The following SHC3 variants were observed in gnomAD, a reference collection of about 807,000 sequenced individuals.
SHC3 encodes SHC adaptor protein 3.
SHC3 carries 15 observed loss-of-function variants against 60.4 expected under a neutral mutation model. The observed-to-expected ratio is 0.25, with a 90% CI of 0.17 to 0.38. The LOEUF is 0.38. Ranked by LOEUF, SHC3 falls within the 10% of genes least tolerant of loss-of-function variation. The pLI, the probability that SHC3 is intolerant of heterozygous loss-of-function variation, is 1.00. For missense variants in SHC3, 677 were observed against 786.1 expected, an observed-to-expected ratio of 0.86 and a Z score of 1.66; for synonymous variants, 294 against 325.9, an observed-to-expected ratio of 0.90 and a Z score of 1.05.
chr9:89,074,437 A>G (rs1825321908), intron 4 of SHC3, among the ~76,000 whole-genome samples: 1 of 152,174 alleles, frequency 6.6e-6, no homozygotes, highest in Non-Finnish European at 1.5e-5. Flanking sequence ...GTTGGTAGCT[A>G]AAATAGCTAC....
intron 2 of SHC3, among the ~76,000 whole-genome samples, chr9:89,093,124 A>G (rs776251776): frequency 6.6e-6 from 1 of 152,240 alleles, no homozygotes; most frequent in Non-Finnish European, 1.5e-5. Flanking sequence ...TAACCTTATA[A>G]TAAACAGTCC....
chr9:89,120,612 A>G (rs1826078807), intron 1 of SHC3, among the ~76,000 whole-genome samples: 1 of 152,224 alleles, frequency 6.6e-6, no homozygotes, highest in African/African-American at 2.4e-5. Flanking sequence ...TTGGAAAACT[A>G]TATGGAAGTA....
At chr9:89,040,403 T>C (rs1235567137) in intron 10 of SHC3, among the ~76,000 whole-genome samples, 1 of 151,878 alleles carries the variant, frequency 6.6e-6, no homozygotes, top group Non-Finnish European at 1.5e-5. Context: ...AAGGCTCTTT[T>C]CACATCCTGT....
chr9:89,033,448 C>G (rs1254428527), intron 11 of SHC3, among the ~76,000 whole-genome samples: 2 of 152,106 alleles, frequency 1.3e-5, no homozygotes, highest in Non-Finnish European at 2.9e-5. Context: ...AACTGTTAGT[C>G]TATGCAAACA....
chr9:89,073,300 A>T lies in SHC3; in HGVS notation c.729+1809T>A, dbSNP rs543588769. Reference sequence around the variant, plus strand: ...GAGCCTTATTGTGTGATTGTATGTTATCTCTTTGGGTAAGACAGAAATTGA... The same window carrying T: ...GAGCCTTATTGTGTGATTGTATGTTTTCTCTTTGGGTAAGACAGAAATTGA... On this transcript the variant is annotated intron_variant, in intron 4 of 11. Coordinates refer to ENST00000375835, the MANE Select transcript of SHC3 (RefSeq NM_016848.6). Among the ~76,000 whole-genome samples, 24 of 152,344 alleles carry T rather than the reference A, an allele frequency of 1.6e-4. No individual in the cohort carries two copies. In the East Asian group the frequency reaches 4.4e-3, roughly 28 times the overall value.
rs960305459 is a variant in SHC3 at position 89,030,443 on chromosome 9, T to C, written c.1656+7550A>G. ...TATACATGCTAACCTATTTGATACT[T>C]AGGTAAAATGGACAAATTCCTAGAA... On this transcript the variant is annotated intron_variant, in intron 11 of 11. Transcript: ENST00000375835. 9.8e-5 allele frequency among the ~76,000 whole-genome samples: 15 copies of C among 152,292 alleles called. No homozygotes were observed. In the South Asian group the frequency reaches 1.7e-3, roughly 17 times the overall value.
chr9:89,103,141 A>G (rs1257328553), intron 2 of SHC3, among the ~76,000 whole-genome samples: 3 of 152,224 alleles, frequency 2.0e-5, no homozygotes, highest in Non-Finnish European at 4.4e-5. Context: ...TTTGTTCAGC[A>G]AAGAATGGAT....
chr9:89,025,019 G>C (rs1826268153), intron 11 of SHC3, among the ~76,000 whole-genome samples: 1 of 152,172 alleles, frequency 6.6e-6, no homozygotes. Flanking sequence ...ACGTGTAAGT[G>C]GAGTTGCCCT....
chr9:89,077,734 C>A, intron 3 of SHC3, 106 bp downstream of exon 3: 1 of 1,362,168 alleles, frequency 7.3e-7, no homozygotes, highest in Non-Finnish European at 1.0e-6. Context: ...AAGCGCCGGG[C>A]CACAGAAAGA....
chr9:89,059,458 G>A (rs555659440), intron 6 of SHC3, among the ~76,000 whole-genome samples: 153 of 149,824 alleles, frequency 1.0e-3, no homozygotes, highest in Non-Finnish European at 1.8e-3. Context: ...GTTAGGACGT[G>A]GGGGAGGACA....
chr9:89,043,425 C>T (rs377751942), intron 9 of SHC3, among the ~76,000 whole-genome samples: 6 of 152,294 alleles, frequency 3.9e-5, no homozygotes, highest in African/African-American at 1.2e-4. Context: ...ACGAATCAGC[C>T]TTTAGAAAAG....
chr9:89,082,027 C>T (rs748310201), intron 2 of SHC3, among the ~76,000 whole-genome samples: 14 of 152,016 alleles, frequency 9.2e-5, no homozygotes, highest in East Asian at 1.9e-4. Context: ...GGGAAACAGG[C>T]GACCCCCTTG....
At chr9:89,099,897 T>C (rs1825758272) in intron 2 of SHC3, among the ~76,000 whole-genome samples, 1 of 152,254 alleles carries the variant, frequency 6.6e-6, no homozygotes, top group African/African-American at 2.4e-5. Flanking sequence ...GTTGGTGTTT[T>C]TGTAATCAGA....
chr9:89,019,511 G>T (rs1432056562), intron 11 of SHC3, among the ~76,000 whole-genome samples: 1 of 152,064 alleles, frequency 6.6e-6, no homozygotes, highest in Non-Finnish European at 1.5e-5. Flanking sequence ...AAGAAAACCT[G>T]AAAGAATAAA....
chr9:89,040,114 T>C (rs1254449704), intron 10 of SHC3, among the ~76,000 whole-genome samples: 1 of 138,828 alleles, frequency 7.2e-6, no homozygotes, highest in East Asian at 2.3e-4. Context: ...ACCACCATCA[T>C]CACCACCACC....
At chr9:89,167,690 C>T (rs1042141726) in intron 1 of SHC3, among the ~76,000 whole-genome samples, 4 of 152,208 alleles carry the variant, frequency 2.6e-5, no homozygotes, top group African/African-American at 9.6e-5. Context: ...CAAATAGAAA[C>T]ATGCACGAGT....
At chr9:89,064,366 G>A (rs1345296142) in intron 6 of SHC3, among the ~76,000 whole-genome samples, 1 of 152,172 alleles carries the variant, frequency 6.6e-6, no homozygotes, top group Non-Finnish European at 1.5e-5. Context: ...AAACCTGAGA[G>A]AGCCTGGTGA....
In SHC3 at chr9:89,042,079, G is replaced by A. The variant is rs372171228; in HGVS notation, c.1307C>T (p.Pro436Leu). 1.5e-5 allele frequency: 24 copies of A among 1,605,226 alleles called. No homozygotes were observed. The Admixed American group carries it at 1.6e-4, about 10-fold the overall frequency. The change falls in exon 10 of 12, where the codon CCG (proline) becomes CTG (leucine). Residue 436 changes from proline to leucine, a missense_variant. By Grantham distance (98) the Pro-to-Leu change is moderately conservative (BLOSUM62 -3). Coordinates refer to ENST00000375835, the MANE Select transcript of SHC3 (RefSeq NM_016848.6). Reference protein sequence around the residue: ...NTQQIPPQAWPAAVSSAESSP... With the variant: ...NTQQIPPQAWLAAVSSAESSP... ...GCTCTCAGCACTGCTGACCGCAGCC[G>A]GCCAGGCCTGTGGTGGGATCTGCTG... is the stretch of plus-strand genomic sequence containing the variant.
chr9:89,110,166 G>C (rs1362546994), intron 2 of SHC3: 22 of 985,252 alleles, frequency 2.2e-5, no homozygotes, highest in Non-Finnish European at 2.4e-5. Flanking sequence ...CATATTCCTG[G>C]GGAGTTTTCA....
Sources: allele counts gnomAD v4.1 joint callset (sites outside exome capture counted in the v4.1 genomes callset), GRCh38; gene constraint gnomAD v4.1.1; transcripts MANE v1.5; gene names NCBI Gene and HGNC (gene_info 2026-07-23, HGNC 2026-07-21).